Variants in WDR12 observed in about 807,000 individuals in gnomAD.
WDR12 encodes ribosome biogenesis protein WDR12.
Under a neutral mutation model 64.3 loss-of-function variants are expected in WDR12, and 42 were observed. The ratio of observed to expected loss-of-function variants is 0.65; its 90% CI spans 0.51 to 0.84. The LOEUF (loss-of-function observed/expected upper bound fraction) is 0.84, where lower values mean the gene tolerates loss of function less well. Ranked by LOEUF, WDR12 falls within the 40% of genes least tolerant of loss-of-function variation. The pLI is 0.00. For missense variants in WDR12, 469 were observed against 494.6 expected (o/e 0.95, Z 0.49); for synonymous variants, 158 against 173.3 (o/e 0.91, Z 0.70).
intron 8 of WDR12, among the ~76,000 whole-genome samples, chr2:202,887,611 G>A (rs971444582): frequency 3.3e-5 from 5 of 152,054 alleles, no homozygotes; most frequent in South Asian, 2.1e-4. Flanking sequence ...ATGGTAGGCC[G>A]GGCGCGGTGG....
chr2:202,905,322 T>C (rs1339003005), intron 2 of WDR12, among the ~76,000 whole-genome samples: 1 of 152,228 alleles, frequency 6.6e-6, no homozygotes, highest in African/African-American at 2.4e-5. Flanking sequence ...ATTTTTGTAT[T>C]TGTAGTAGAG....
chr2:202,911,436 T>C lies in WDR12; in HGVS notation c.41A>G (p.Lys14Arg), dbSNP rs758028436. The change falls in exon 1 of 13, where the codon AAA (lysine) becomes AGA (arginine). Residue 14 changes from lysine (K) to arginine (R), a missense_variant and splice_region_variant. Transcript: ENST00000261015. ...AGAGAAGGCTGGAACGCTTACTTAC[T>C]TCTTGTTATCAGTGTAGAAGCGTGT... ...LQTRFYTDNK[K>R]YAVDDVPFSI... 12 of 1,614,032 alleles carry C rather than the reference T, an allele frequency of 7.4e-6. No homozygotes were observed. The highest frequency in any genetic ancestry group is 2.7e-5 in the African/African-American group (2 of 74,934).
Position 202,884,167 on chromosome 2 carries a change from A to G in WDR12, c.988+31T>C, listed in dbSNP as rs1416935428. The G allele has an allele frequency of 6.9e-6, 11 of 1,590,920 alleles. No homozygotes were observed. In the South Asian group the frequency reaches 1.2e-4, roughly 18 times the overall value. ...GATGAGAAATAGATGTTATTCACAC[A>G]TATATTCCCCCAGTGGTTTACATGA... On this transcript the variant is annotated intron_variant, in intron 10 of 12. Coordinates refer to ENST00000261015, the MANE Select transcript of WDR12 (RefSeq NM_018256.4).
intron 8 of WDR12, among the ~76,000 whole-genome samples, chr2:202,886,767 CAAAA>C (rs60735682): frequency 1.3e-5 from 1 of 79,054 alleles, no homozygotes; most frequent in African/African-American, 5.7e-5. Flanking sequence ...AACTCCATCT[CAAAA>C]AAAAAAAAAA....
chr2:202,898,511 G>A (rs1253644153), intron 4 of WDR12, among the ~76,000 whole-genome samples: 1 of 152,158 alleles, frequency 6.6e-6, no homozygotes, highest in Non-Finnish European at 1.5e-5. Context: ...GTAAAACTAG[G>A]AGAAATATAA....
intron 4 of WDR12, among the ~76,000 whole-genome samples, chr2:202,897,830 A>G (rs1303770594): frequency 7.1e-6 from 1 of 141,780 alleles, no homozygotes; most frequent in Non-Finnish European, 1.5e-5. Flanking sequence ...CAGAGCTTGC[A>G]GTGAGCCGAG....
At chr2:202,906,606 G>T (rs909788031) in intron 2 of WDR12, among the ~76,000 whole-genome samples, 3 of 152,166 alleles carry the variant, frequency 2.0e-5, no homozygotes, top group African/African-American at 7.2e-5. Flanking sequence ...GCTCACACAT[G>T]TAATCCCAGC....
chr2:202,900,913 TA>T, intron 3 of WDR12, 111 bp downstream of exon 3: 1 of 802,202 alleles, frequency 1.2e-6, no homozygotes. Flanking sequence ...GCCAATATAT[TA>T]AAAAGAATCT....
chr2:202,890,731 A>G (rs1237372518), intron 8 of WDR12, among the ~76,000 whole-genome samples: 2 of 151,402 alleles, frequency 1.3e-5, no homozygotes, highest in South Asian at 2.1e-4. Context: ...AGATCACGCC[A>G]CTGCACTCCA....
intron 4 of WDR12, among the ~76,000 whole-genome samples, chr2:202,899,232 G>C (rs1688306702): frequency 6.6e-6 from 1 of 151,648 alleles, no homozygotes; most frequent in Non-Finnish European, 1.5e-5. Flanking sequence ...TTTTAGTAGA[G>C]ACAGGGTTTC....
chr2:202,889,289 A>G (rs540209380), intron 8 of WDR12, among the ~76,000 whole-genome samples: 3 of 152,340 alleles, frequency 2.0e-5, no homozygotes, highest in African/African-American at 7.2e-5. Flanking sequence ...ACTTAAATAC[A>G]TATATTCAGC....
chr2:202,907,634 A>G (rs532203334), intron 2 of WDR12, among the ~76,000 whole-genome samples: 141 of 152,302 alleles, frequency 9.3e-4, no homozygotes, highest in Non-Finnish European at 1.7e-3. Flanking sequence ...TACAACCACC[A>G]TATTTCCACA....
At position 202,897,370 on chromosome 2, in the gene WDR12, C is replaced by T. The variant is rs1157595661; in HGVS notation, c.384G>A (p.Leu128=). The part of the protein sequence containing the change: ...SYDKTSRIWS[L]EGKSIMTIVG... The stretch of plus-strand genomic sequence containing the variant: ...CAATTGTCATTATTGACTTTCCTTC[C>T]AAGGACCAGATCCGAGAAGTCTTAT... The change falls in exon 5 of 13, where the codon TTG becomes TTA. Residue 128 remains leucine (L), a synonymous_variant. Coordinates refer to ENST00000261015, the MANE Select transcript of WDR12 (RefSeq NM_018256.4). 1.3e-6 allele frequency: 2 copies of T among 1,596,986 alleles called. No homozygotes were observed. The highest frequency in any genetic ancestry group is 1.7e-6 in the Non-Finnish European group (2 of 1,172,952).
At chr2:202,894,670 T>G in intron 6 of WDR12, 44 bp from the exon 7 acceptor site, 1 of 1,520,430 alleles carries the variant, frequency 6.6e-7, no homozygotes, top group Non-Finnish European at 8.9e-7. Context: ...GTAATATGAT[T>G]CATATTATTT....
chr2:202,908,041 T>C (rs1688495038), intron 1 of WDR12, 82 bp from the exon 2 acceptor site: 3 of 1,286,366 alleles, frequency 2.3e-6, no homozygotes, highest in Admixed American at 1.8e-5. Flanking sequence ...CATACATTTA[T>C]TGGGTAAATA....
At chr2:202,897,244 G>A (rs960830733) in intron 5 of WDR12, 56 bp downstream of exon 5, 12 of 1,257,622 alleles carry the variant, frequency 9.5e-6, no homozygotes, top group Non-Finnish European at 1.4e-5. Flanking sequence ...ACCAAAAATG[G>A]CTTATTTCCA....
At position 202,877,032 on chromosome 2, in the gene WDR12, G is replaced by A. The variant is rs1394193136; in HGVS notation, c.*3828C>T. 2 of 151,076 alleles carry A rather than the reference G, an allele frequency of 1.3e-5. No individual in the cohort carries two copies. Among genetic ancestry groups the A allele is most frequent in the Admixed American group, 6.6e-5 (1 of 15,166 alleles). 9.4% of individuals were successfully genotyped at this position (151,076 alleles called of 1,614,324 possible). On this transcript the variant is annotated 3_prime_UTR_variant, in exon 13 of 13. Transcript: ENST00000261015. ...ACTGTTACCTTTTTTTCAAAACTAC[G>A]ATACATCAAAAGAATTTTAGACTGT...
At chr2:202,903,118 T>C (rs1422476272) in intron 2 of WDR12, among the ~76,000 whole-genome samples, 2 of 152,060 alleles carry the variant, frequency 1.3e-5, no homozygotes, top group Non-Finnish European at 2.9e-5. Flanking sequence ...CTTTCATATA[T>C]ACATCTATTC....
intron 1 of WDR12, among the ~76,000 whole-genome samples, chr2:202,910,936 G>T (rs772925714): frequency 6.6e-6 from 1 of 152,056 alleles, no homozygotes; most frequent in Non-Finnish European, 1.5e-5. Flanking sequence ...TATAGTCCCT[G>T]CCCTCAAGAG....
Sources: gnomAD v4.1 joint callset for allele counts (sites outside exome capture counted in the v4.1 genomes callset) on GRCh38, gnomAD v4.1.1 for gene constraint, MANE v1.5 for transcripts, NCBI Gene and HGNC (gene_info 2026-07-23, HGNC 2026-07-21) for gene names.